Variants in GSTCD observed in about 807,000 individuals in gnomAD.
GSTCD encodes the protein glutathione S-transferase C-terminal domain containing.
In GSTCD, 44 loss-of-function variants were observed where a neutral mutation model predicts 68.3. The ratio of observed to expected loss-of-function variants is 0.64; its 90% CI spans 0.51 to 0.83. The LOEUF is 0.83. Among genes scored for constraint, GSTCD ranks in the 40% least tolerant of loss-of-function variants. GSTCD has a pLI of 0.00. For missense variants in GSTCD, 739 were observed against 735.9 expected, an observed-to-expected ratio of 1.00 and a Z score of -0.05; for synonymous variants, 273 against 255.2, an observed-to-expected ratio of 1.07 and a Z score of -0.67.
intron 5 of GSTCD, among the ~76,000 whole-genome samples, chr4:105,814,483 T>G (rs1456934563): frequency 2.0e-5 from 3 of 151,946 alleles, no homozygotes; most frequent in African/African-American, 7.3e-5. Flanking sequence ...CGTGATGGTG[T>G]GCACCTGTAA....
chr4:105,752,135 A>G (rs1340452244), intron 5 of GSTCD, among the ~76,000 whole-genome samples: 1 of 152,174 alleles, frequency 6.6e-6, no homozygotes, highest in Non-Finnish European at 1.5e-5. Context: ...TGTATGGCTT[A>G]CTGGGTTTCT....
At chr4:105,829,349 A>C (rs547606257) in intron 8 of GSTCD, among the ~76,000 whole-genome samples, 2 of 152,272 alleles carry the variant, frequency 1.3e-5, no homozygotes, top group African/African-American at 4.8e-5. Context: ...GGAATACCAA[A>C]CATGGAAAAC....
At chr4:105,766,107 G>A (rs996569625) in intron 5 of GSTCD, among the ~76,000 whole-genome samples, 5 of 152,202 alleles carry the variant, frequency 3.3e-5, no homozygotes, top group East Asian at 1.9e-4. Flanking sequence ...AATTTAATAC[G>A]GGATATTAAA....
intron 5 of GSTCD, among the ~76,000 whole-genome samples, chr4:105,820,023 A>T (rs1723206217): frequency 6.6e-6 from 1 of 151,854 alleles, no homozygotes; most frequent in African/African-American, 2.4e-5. Flanking sequence ...CTTGTAAGAT[A>T]CTTGTTATTT....
intron 5 of GSTCD, among the ~76,000 whole-genome samples, chr4:105,803,715 C>T (rs1736193613): frequency 6.6e-6 from 1 of 151,486 alleles, no homozygotes; most frequent in Non-Finnish European, 1.5e-5. Context: ...AAAAATGCAA[C>T]TCCATGTGTC....
chr4:105,748,939 G>A (rs1733909111), intron 5 of GSTCD, among the ~76,000 whole-genome samples: 1 of 151,700 alleles, frequency 6.6e-6, no homozygotes, highest in Non-Finnish European at 1.5e-5. Context: ...TTTTAAAATA[G>A]AATACTAATT....
intron 5 of GSTCD, among the ~76,000 whole-genome samples, chr4:105,801,728 T>G (rs2149262004): frequency 6.6e-6 from 1 of 152,146 alleles, no homozygotes; most frequent in African/African-American, 2.4e-5. Context: ...GGAACAAAAA[T>G]TTAAAGTAAA....
At chr4:105,716,698 A>G (rs919677742) in intron 1 of GSTCD, among the ~76,000 whole-genome samples, 5 of 152,186 alleles carry the variant, frequency 3.3e-5, no homozygotes, top group African/African-American at 9.6e-5. Flanking sequence ...CCAACCTCCC[A>G]TGGAAAAACT....
intron 5 of GSTCD, among the ~76,000 whole-genome samples, chr4:105,821,705 C>T (rs28688530): frequency 5.9e-4 from 89 of 151,704 alleles, no homozygotes; most frequent in African/African-American, 2.0e-3. Flanking sequence ...TAGGAAGCAA[C>T]GCATTGACAT....
chr4:105,769,233 GCACA>G (rs57039503), intron 5 of GSTCD, among the ~76,000 whole-genome samples: 3,004 of 146,284 alleles, frequency 0.021, 62 homozygotes, highest in African/African-American at 0.054. Flanking sequence ...ATACACGCGC[GCACA>G]CACACACACA....
At chr4:105,754,633 A>G (rs1734118382) in intron 5 of GSTCD, among the ~76,000 whole-genome samples, 1 of 152,212 alleles carries the variant, frequency 6.6e-6, no homozygotes. Context: ...AATTCCCAGG[A>G]CAACTCCTTA....
At chr4:105,797,795 G>C (rs34654164) in intron 5 of GSTCD, among the ~76,000 whole-genome samples, 2 of 91,046 alleles carry the variant, frequency 2.2e-5, no homozygotes, top group Non-Finnish European at 3.9e-5. Flanking sequence ...TTTTTTTTGA[G>C]ACAGAGTCTT....
At chr4:105,733,642 A>G (rs553782252) in intron 5 of GSTCD, among the ~76,000 whole-genome samples, 64 of 152,228 alleles carry the variant, frequency 4.2e-4, no homozygotes, top group Non-Finnish European at 7.6e-4. Flanking sequence ...TCTTTATCCA[A>G]TTTGCCAGTC....
intron 5 of GSTCD, among the ~76,000 whole-genome samples, chr4:105,800,727 C>T (rs557184821): frequency 3.3e-5 from 5 of 152,174 alleles, no homozygotes; most frequent in East Asian, 1.9e-4. Flanking sequence ...TCTCATTATT[C>T]GTAGTAGTTA....
At chr4:105,745,801 A>C (rs781586179) in intron 5 of GSTCD, among the ~76,000 whole-genome samples, 16 of 152,238 alleles carry the variant, frequency 1.1e-4, no homozygotes, top group Non-Finnish European at 1.6e-4. Context: ...ATGACCTTAC[A>C]TAAGATAAAG....
At chr4:105,840,041 T>C (rs1175374402) in intron 10 of GSTCD, 1 of 267,846 alleles carries the variant, frequency 3.7e-6, no homozygotes, top group African/African-American at 2.2e-5. Flanking sequence ...AGTGTTTTTC[T>C]CTGCAGTTCA....
chr4:105,717,562 A>C, intron 1 of GSTCD, 31 bp from the exon 2 acceptor site: 1 of 1,245,718 alleles, frequency 8.0e-7, no homozygotes, highest in Non-Finnish European at 1.1e-6. Context: ...ATTATATTCT[A>C]AGACCATAAT....
At chr4:105,732,483 G>T (rs1733284326) in intron 5 of GSTCD, among the ~76,000 whole-genome samples, 1 of 152,090 alleles carries the variant, frequency 6.6e-6, no homozygotes, top group African/African-American at 2.4e-5. Context: ...TTGCATAGAG[G>T]TGTTTATAGT....
chr4:105,726,894 C>A (rs1733056664), intron 4 of GSTCD, 64 bp downstream of exon 4: 1 of 1,251,478 alleles, frequency 8.0e-7, no homozygotes, highest in South Asian at 1.5e-5. Context: ...GCATTCTACT[C>A]CAACTTGTAA....
Sources: gnomAD v4.1 joint callset for allele counts (sites outside exome capture counted in the v4.1 genomes callset) on GRCh38, gnomAD v4.1.1 for gene constraint, MANE v1.5 for transcripts, NCBI Gene and HGNC (gene_info 2026-07-23, HGNC 2026-07-21) for gene names.